The following WDR36 variants were observed in gnomAD, a reference collection of about 807,000 sequenced individuals.
The protein encoded by WDR36 is WD repeat domain 36.
In WDR36, 63 loss-of-function variants were observed where a neutral mutation model predicts 112.7. The observed-to-expected ratio is 0.56, with a 90% confidence interval of 0.46 to 0.69. WDR36 has a LOEUF of 0.69. Among genes scored for constraint, WDR36 ranks in the 30% least tolerant of loss-of-function variants. The probability of loss-of-function intolerance (pLI) is 0.00; values close to 1 mark genes in which losing one functional copy is unlikely to be tolerated. For missense variants in WDR36, 1,226 were observed against 1,070.3 expected (o/e 1.15, Z -2.03); for synonymous variants, 410 against 362.2 (o/e 1.13, Z -1.50).
chr5:111,126,988 T>G lies in WDR36; in HGVS notation c.*105T>G. ...GTGAAAAGAAAATAAATGCTAGCACTACTGACTAGTCAGTATATCTCCACT... is the reference window on the plus strand; with the variant it reads ...GTGAAAAGAAAATAAATGCTAGCACGACTGACTAGTCAGTATATCTCCACT... On this transcript the variant is annotated 3_prime_UTR_variant, in exon 23 of 23. Coordinates refer to ENST00000513710, the MANE Select transcript of WDR36 (RefSeq NM_139281.3). The G allele has an allele frequency of 3.7e-6, 4 of 1,091,992 alleles. No individual in the cohort carries two copies. Among genetic ancestry groups the G allele is most frequent in the Non-Finnish European group, 5.2e-6 (4 of 770,368 alleles). The allele number at this position is 1,091,992 out of a possible 1,614,324, so 67.6% of individuals were successfully genotyped here.
chr5:111,113,591 G>T (rs1204820555), intron 16 of WDR36, among the ~76,000 whole-genome samples: 1 of 151,980 alleles, frequency 6.6e-6, no homozygotes, highest in Non-Finnish European at 1.5e-5. Flanking sequence ...CTTAAAAGAA[G>T]GCATTTTAGA....
intron 22 of WDR36, 95 bp from the exon 23 acceptor site, chr5:111,126,639 A>G: frequency 1.5e-6 from 2 of 1,333,020 alleles, no homozygotes; most frequent in South Asian, 2.4e-5. Context: ...ATATTCACCT[A>G]GTGTCTTTTG....
intron 16 of WDR36, among the ~76,000 whole-genome samples, chr5:111,115,074 T>A (rs1753428610): frequency 1.3e-5 from 2 of 152,180 alleles, no homozygotes; most frequent in Admixed American, 1.3e-4. Flanking sequence ...TCAGCTCTAG[T>A]ATCTTTATTT....
rs367801508 is a variant in WDR36 at position 111,122,451 on chromosome 5, G to A, written c.2148+1310G>A. ...TGTACCAAGACTATAGTTTACATTT[G>A]TCCTGTGGATAACTTCTATTTTTGC... On this transcript the variant is annotated intron_variant, in intron 19 of 22. Transcript: ENST00000513710. Among the ~76,000 whole-genome samples, 38 of 152,264 alleles carry A rather than the reference G, an allele frequency of 2.5e-4. No homozygotes were observed. The East Asian group carries it at 6.0e-3, about 24-fold the overall frequency.
rs67437234 is a variant in WDR36, at chr5:111,099,463, G to GTTTTTTTTTTTTTTTTTTTTTTTT, written c.409+645_409+646insTTTTTTTTTTTTTTTTTTTTTTTT. Among the ~76,000 whole-genome samples the GTTTTTTTTTTTTTTTTTTTTTTTT allele has an allele frequency of 5.8e-4, 49 of 84,942 alleles. 3 individuals are homozygous for GTTTTTTTTTTTTTTTTTTTTTTTT. The highest frequency in any genetic ancestry group is 8.7e-4 in the Non-Finnish European group (35 of 40,402). The allele number at this position is 84,942 out of a possible 152,430, so 55.7% of individuals were successfully genotyped here. Reference sequence around the variant, plus strand: ...TTGGTTTTTTTTTGTTTTTTTTTTTGTTTTTTTTTTTTTTTTTTTTTCAGT... The same window carrying GTTTTTTTTTTTTTTTTTTTTTTTT: ...TTGGTTTTTTTTTGTTTTTTTTTTTGTTTTTTTTTTTTTTTTTTTTTTTTTTTTTTTTTTTTTTTTTTTTTCAGT... On this transcript the variant is annotated intron_variant, in intron 4 of 22. Coordinates refer to ENST00000513710, the MANE Select transcript of WDR36 (RefSeq NM_139281.3).
intron 12 of WDR36, among the ~76,000 whole-genome samples, chr5:111,108,182 T>C (rs1753256929): frequency 6.6e-6 from 1 of 151,448 alleles, no homozygotes; most frequent in Admixed American, 6.6e-5. Flanking sequence ...CTTACACTTC[T>C]TTGGGTACAT....
chr5:111,104,892 T>C lies in WDR36; in HGVS notation c.1027+75T>C, dbSNP rs1385042425. Reference sequence around the variant, plus strand: ...TGGGTGCCCAGTATGAGGTTTGATATTTACACATACTTAGATTCACATATC... The same window carrying C: ...TGGGTGCCCAGTATGAGGTTTGATACTTACACATACTTAGATTCACATATC... On this transcript the variant is annotated intron_variant, in intron 9 of 22. Transcript: ENST00000513710. 2.5e-6 allele frequency: 4 copies of C among 1,592,770 alleles called. No homozygotes were observed. The East Asian group carries it at 6.7e-5, about 27-fold the overall frequency.
chr5:111,099,212 C>A (rs1358822013), intron 4 of WDR36, among the ~76,000 whole-genome samples: 1 of 151,986 alleles, frequency 6.6e-6, no homozygotes, highest in Non-Finnish European at 1.5e-5. Context: ...TAAACTTGAT[C>A]TTGTAATCTG....
intron 21 of WDR36, 101 bp downstream of exon 21, chr5:111,124,290 A>C: frequency 9.9e-7 from 1 of 1,005,060 alleles, no homozygotes; most frequent in Non-Finnish European, 1.4e-6. Flanking sequence ...TAGTTAAGAT[A>C]GTAAAAATCA....
intron 2 of WDR36, among the ~76,000 whole-genome samples, chr5:111,096,093 T>C (rs545805836): frequency 6.6e-5 from 10 of 152,170 alleles, no homozygotes; most frequent in African/African-American, 1.4e-4. Context: ...AATACTAATA[T>C]GGAATTTGCA....
Position 111,123,887 on chromosome 5 carries a change from G to T in WDR36, c.2231G>T (p.Arg744Ile). ...CCAACAATTCCTGGCCTTGTACCCA[G>T]ATATGCTGCACCTGAACAAAATAAT... ...FIPTIPGLVP[R>I]YAAPEQNNDP... Residue 744 changes from arginine to isoleucine, a missense_variant, in exon 20 of 23, where the codon AGA becomes ATA. Transcript: ENST00000513710. 6.2e-7 allele frequency: 1 copy of T among 1,613,802 alleles called. No homozygotes were observed. The highest frequency in any genetic ancestry group is 8.5e-7 in the Non-Finnish European group (1 of 1,179,886).
chr5:111,104,938 C>G, intron 9 of WDR36, 121 bp downstream of exon 9: 1 of 1,469,718 alleles, frequency 6.8e-7, no homozygotes, highest in Non-Finnish European at 9.4e-7. Context: ...ACTTAGAAGT[C>G]TGGGTAAAAC....
Position 111,127,682 on chromosome 5 carries a change from A to G in WDR36, c.*799A>G. Reference sequence around the variant, plus strand: ...AAATGTGGGAGGCCCTTCCTTGCCCAAGGCAAGTCGCTGTAGATGGTTAAA... The same window carrying G: ...AAATGTGGGAGGCCCTTCCTTGCCCGAGGCAAGTCGCTGTAGATGGTTAAA... On this transcript the variant is annotated 3_prime_UTR_variant, in exon 23 of 23. Coordinates refer to ENST00000513710, the MANE Select transcript of WDR36 (RefSeq NM_139281.3). The G allele has an allele frequency of 4.7e-6, 1 of 211,044 alleles. No individual in the cohort carries two copies. The highest frequency in any genetic ancestry group is 9.6e-6 in the Non-Finnish European group (1 of 103,912). 13.1% of individuals were successfully genotyped at this position (211,044 alleles called of 1,614,324 possible).
At chr5:111,116,274 A>G (rs887464331) in intron 16 of WDR36, among the ~76,000 whole-genome samples, 10 of 152,008 alleles carry the variant, frequency 6.6e-5, no homozygotes, top group Non-Finnish European at 2.9e-5. Flanking sequence ...AGGGGTGAGA[A>G]ATATATAAAA....
intron 1 of WDR36, among the ~76,000 whole-genome samples, chr5:111,093,452 G>A (rs541545097): frequency 1.4e-4 from 22 of 152,332 alleles, no homozygotes; most frequent in African/African-American, 5.3e-4. Flanking sequence ...TTAGCAAAAA[G>A]AGCTGGGAGG....
intron 5 of WDR36, among the ~76,000 whole-genome samples, chr5:111,101,790 C>T (rs566841548): frequency 6.6e-6 from 1 of 151,884 alleles, no homozygotes; most frequent in African/African-American, 2.4e-5. Flanking sequence ...GTGCTAGGTT[C>T]AGCAATAGTG....
chr5:111,118,932 C>T (rs575086692), intron 16 of WDR36, 81 bp from the exon 17 acceptor site: 12 of 1,190,504 alleles, frequency 1.0e-5, no homozygotes, highest in Non-Finnish European at 1.3e-5. Flanking sequence ...TATCCCTTAT[C>T]TTTTTGGCAA....
At chr5:111,105,484 A>G in intron 10 of WDR36, 124 bp downstream of exon 10, 1 of 860,680 alleles carries the variant, frequency 1.2e-6, no homozygotes, top group Admixed American at 2.0e-5. Flanking sequence ...ATAAACATGT[A>G]TGGAAGAGGT....
In WDR36 at chr5:111,128,715, A is replaced by C. The variant is rs566319272; in HGVS notation, c.*1832A>C. On this transcript the variant is annotated 3_prime_UTR_variant, in exon 23 of 23. Coordinates refer to ENST00000513710, the MANE Select transcript of WDR36 (RefSeq NM_139281.3). ...GATAGAATACATCATTTTGGCAGGTAATCTTCTAGAACCTTTCATGTACTG... is the reference window on the plus strand; with the variant it reads ...GATAGAATACATCATTTTGGCAGGTCATCTTCTAGAACCTTTCATGTACTG... The C allele has an allele frequency of 8.2e-4, 150 of 182,726 alleles. No individual in the cohort carries two copies. The highest frequency in any genetic ancestry group is 3.4e-3 in the African/African-American group (144 of 42,674). The allele number at this position is 182,726 out of a possible 1,614,324, so 11.3% of individuals were successfully genotyped here.
Sources: allele counts gnomAD v4.1 joint callset (sites outside exome capture counted in the v4.1 genomes callset), GRCh38; gene constraint gnomAD v4.1.1; transcripts MANE v1.5; gene names NCBI Gene and HGNC (gene_info 2026-07-23, HGNC 2026-07-21).